Variants in SLC24A3 observed in about 807,000 individuals in gnomAD.
SLC24A3 encodes the protein solute carrier family 24 member 3, also known as sodium/potassium/calcium exchanger 3.
In SLC24A3, 28 loss-of-function variants were observed where a neutral mutation model predicts 75.8. The observed-to-expected ratio is 0.37, with a 90% CI of 0.27 to 0.51. SLC24A3 has a LOEUF of 0.51. Among genes scored for constraint, SLC24A3 ranks in the 20% least tolerant of loss-of-function variants. The pLI, the probability that SLC24A3 is intolerant of heterozygous loss-of-function variation, is 0.94. For missense variants in SLC24A3, 663 were observed against 847.8 expected (o/e 0.78, Z 2.71); for synonymous variants, 372 against 334.1 (o/e 1.11, Z -1.24).
chr20:19,395,110 G>A (rs796820322), intron 2 of SLC24A3, among the ~76,000 whole-genome samples: 52 of 152,314 alleles, frequency 3.4e-4, no homozygotes, highest in African/African-American at 1.0e-3. Context: ...ACTATATGGT[G>A]TAACTTATGT....
chr20:19,404,862 C>A (rs1568609572), intron 2 of SLC24A3, among the ~76,000 whole-genome samples: 1 of 152,212 alleles, frequency 6.6e-6, no homozygotes, highest in African/African-American at 2.4e-5. Flanking sequence ...GGTGCCCAAG[C>A]AAGATGGTCT....
intron 6 of SLC24A3, among the ~76,000 whole-genome samples, chr20:19,644,038 A>G (rs2032105516): frequency 6.6e-6 from 1 of 152,194 alleles, no homozygotes; most frequent in Admixed American, 6.5e-5. Flanking sequence ...GGTTCTATCC[A>G]TTATACAAAA....
chr20:19,679,316 C>T (rs2032578388), intron 9 of SLC24A3, among the ~76,000 whole-genome samples: 1 of 152,258 alleles, frequency 6.6e-6, no homozygotes, highest in Non-Finnish European at 1.5e-5. Context: ...GCCCGGCCAA[C>T]ACAGCGAAAC....
intron 3 of SLC24A3, among the ~76,000 whole-genome samples, chr20:19,544,831 G>T (rs1158412524): frequency 6.6e-6 from 1 of 152,116 alleles, no homozygotes; most frequent in Non-Finnish European, 1.5e-5. Flanking sequence ...GGAACCCAAG[G>T]CAGTTTGAAT....
At chr20:19,631,718 T>C (rs1397462862) in intron 6 of SLC24A3, among the ~76,000 whole-genome samples, 3 of 152,102 alleles carry the variant, frequency 2.0e-5, no homozygotes, top group African/African-American at 7.2e-5. Context: ...TCACTTTCTC[T>C]CCCTAGTAAG....
At chr20:19,321,110 T>C (rs1984697743) in intron 2 of SLC24A3, among the ~76,000 whole-genome samples, 1 of 152,146 alleles carries the variant, frequency 6.6e-6, no homozygotes, top group South Asian at 2.1e-4. Flanking sequence ...TGTATTTATA[T>C]ATATAATTTA....
intron 2 of SLC24A3, among the ~76,000 whole-genome samples, chr20:19,370,612 T>A (rs867979016): frequency 1.1e-4 from 17 of 152,306 alleles, no homozygotes; most frequent in African/African-American, 4.1e-4. Context: ...GAGAATGTAT[T>A]TCTTGCTTTT....
intron 2 of SLC24A3, among the ~76,000 whole-genome samples, chr20:19,403,158 A>C (rs1986582674): frequency 6.6e-6 from 1 of 152,146 alleles, no homozygotes; most frequent in Admixed American, 6.5e-5. Context: ...GGGAAGGGCC[A>C]GTGTCACAAT....
intron 15 of SLC24A3, among the ~76,000 whole-genome samples, chr20:19,714,735 G>A (rs2033026498): frequency 6.6e-6 from 1 of 152,344 alleles, no homozygotes; most frequent in South Asian, 2.1e-4. Flanking sequence ...GTTGCCTTTG[G>A]CCTCTGGAAC....
chr20:19,269,719 T>A (rs1211244022), intron 1 of SLC24A3, among the ~76,000 whole-genome samples: 2 of 151,922 alleles, frequency 1.3e-5, no homozygotes, highest in Non-Finnish European at 2.9e-5. Context: ...GTGGGTGGGG[T>A]ATGGCTGACA....
intron 3 of SLC24A3, among the ~76,000 whole-genome samples, chr20:19,555,642 A>T (rs1004288649): frequency 2.0e-5 from 3 of 152,208 alleles, no homozygotes; most frequent in Non-Finnish European, 4.4e-5. Flanking sequence ...TATGGACCTC[A>T]GTTTCTTGAT....
At chr20:19,289,529 G>C (rs1309727794) in intron 2 of SLC24A3, among the ~76,000 whole-genome samples, 1 of 152,212 alleles carries the variant, frequency 6.6e-6, no homozygotes, top group Non-Finnish European at 1.5e-5. Flanking sequence ...TGTGTGTAGA[G>C]ACCATGGGTA....
At chr20:19,506,101 GA>G (rs1381749299) in intron 2 of SLC24A3, among the ~76,000 whole-genome samples, 3 of 152,164 alleles carry the variant, frequency 2.0e-5, no homozygotes, top group African/African-American at 7.2e-5. Context: ...AAGACTCAAA[GA>G]TGTTAAAGAA....
At chr20:19,701,053 G>T (rs1203237851) in intron 15 of SLC24A3, among the ~76,000 whole-genome samples, 1 of 152,168 alleles carries the variant, frequency 6.6e-6, no homozygotes, top group East Asian at 1.9e-4. Flanking sequence ...CATTCCTGAA[G>T]TTTTGGGACA....
At chr20:19,322,467 T>C (rs1984735659) in intron 2 of SLC24A3, among the ~76,000 whole-genome samples, 1 of 151,924 alleles carries the variant, frequency 6.6e-6, no homozygotes, top group African/African-American at 2.4e-5. Context: ...TTGTTCTTTT[T>C]GGTTTTCAAA....
chr20:19,560,376 C>T (rs888100378), intron 3 of SLC24A3, among the ~76,000 whole-genome samples: 5 of 152,192 alleles, frequency 3.3e-5, no homozygotes, highest in African/African-American at 1.2e-4. Flanking sequence ...CTTTTAAAAC[C>T]CGGGCACTTT....
intron 4 of SLC24A3, 50 bp downstream of exon 4, chr20:19,580,124 C>T (rs1476994061): frequency 6.6e-7 from 1 of 1,523,642 alleles, no homozygotes. Flanking sequence ...GGGACTGGAC[C>T]TGTGCCCTGT....
At chr20:19,521,362 T>C (rs1056857981) in intron 3 of SLC24A3, among the ~76,000 whole-genome samples, 2 of 152,194 alleles carry the variant, frequency 1.3e-5, no homozygotes, top group Non-Finnish European at 1.5e-5. Context: ...CCCCTATAGG[T>C]TGACTCCCCC....
At chr20:19,634,860 C>T (rs75459769) in intron 6 of SLC24A3, among the ~76,000 whole-genome samples, 4,178 of 152,194 alleles carry the variant, frequency 0.027, 75 homozygotes, top group Middle Eastern at 0.14. Flanking sequence ...GAATAAATTT[C>T]ACTGCTTATA....
Sources: allele counts gnomAD v4.1 joint callset (sites outside exome capture counted in the v4.1 genomes callset), GRCh38; gene constraint gnomAD v4.1.1; transcripts MANE v1.5; gene names NCBI Gene and HGNC (gene_info 2026-07-23, HGNC 2026-07-21).